The following MRPS27 variants were observed in gnomAD, a reference collection of about 807,000 sequenced individuals.
MRPS27 encodes small ribosomal subunit protein mS27.
MRPS27 carries 43 observed loss-of-function variants against 48.9 expected under a neutral mutation model. That is an observed-to-expected ratio of 0.88 (90% confidence interval 0.69 to 1.13). The LOEUF (loss-of-function observed/expected upper bound fraction) is 1.13, where lower values mean the gene tolerates loss of function less well. Ranked by LOEUF, MRPS27 falls within the 50% of genes most tolerant of loss-of-function variation. The pLI, the probability that MRPS27 is intolerant of heterozygous loss-of-function variation, is 0.00. For missense variants in MRPS27, 467 were observed against 476.3 expected (o/e 0.98, Z 0.18); for synonymous variants, 188 against 171.9 (o/e 1.09, Z -0.73).
At chr5:72,235,440 C>T (rs1331157057) in intron 5 of MRPS27, among the ~76,000 whole-genome samples, 2 of 152,098 alleles carry the variant, frequency 1.3e-5, no homozygotes, top group African/African-American at 2.4e-5. Context: ...TGTCATTATA[C>T]ATTTGTCCAA....
intron 2 of MRPS27, among the ~76,000 whole-genome samples, chr5:72,313,271 A>G (rs1750485948): frequency 6.6e-6 from 1 of 152,238 alleles, no homozygotes; most frequent in Non-Finnish European, 1.5e-5. Flanking sequence ...AAAAATCCAT[A>G]AACACAGGGG....
intron 4 of MRPS27, among the ~76,000 whole-genome samples, chr5:72,253,330 A>C (rs774601652): frequency 6.6e-6 from 1 of 152,232 alleles, no homozygotes; most frequent in Admixed American, 6.5e-5. Flanking sequence ...CATATGATCA[A>C]TCTATCACGT....
At position 72,253,394 on chromosome 5, in the gene MRPS27, T is replaced by C. The variant is rs539424922; in HGVS notation, c.282-15266A>G. Among the ~76,000 whole-genome samples the C allele has an allele frequency of 5.9e-5, 9 of 152,328 alleles. No individual in the cohort carries two copies. The East Asian group carries it at 9.6e-4, about 16-fold the overall frequency. ...GATCTGTAAACTAGTCAATGGATTATATAATCATCTAAAAGTAATGATAAA... is the reference window on the plus strand; with the variant it reads ...GATCTGTAAACTAGTCAATGGATTACATAATCATCTAAAAGTAATGATAAA... On this transcript the variant is annotated intron_variant, in intron 4 of 10. Transcript: ENST00000261413.
intron 3 of MRPS27, 77 bp from the exon 4 acceptor site, chr5:72,295,666 T>C (rs900822682): frequency 9.1e-6 from 10 of 1,104,434 alleles, no homozygotes; most frequent in Non-Finnish European, 1.4e-5. Context: ...GATCACACAT[T>C]GACCTTAGAA....
intron 1 of MRPS27, among the ~76,000 whole-genome samples, chr5:72,318,174 A>G (rs111258518): frequency 3.2e-4 from 49 of 152,304 alleles, no homozygotes; most frequent in African/African-American, 1.1e-3. Flanking sequence ...AATACCTAAC[A>G]CAATGTAAAC....
chr5:72,267,822 T>C (rs755514404), intron 4 of MRPS27, among the ~76,000 whole-genome samples: 1 of 151,884 alleles, frequency 6.6e-6, no homozygotes, highest in Admixed American at 6.6e-5. Flanking sequence ...TAATAAGATA[T>C]AGAGGTCATT....
intron 5 of MRPS27, among the ~76,000 whole-genome samples, chr5:72,234,464 T>C (rs1748149139): frequency 6.6e-6 from 1 of 151,240 alleles, no homozygotes; most frequent in Non-Finnish European, 1.5e-5. Context: ...TAACACCTCA[T>C]CATAGCTTAA....
intron 9 of MRPS27, among the ~76,000 whole-genome samples, chr5:72,225,074 A>G (rs1747855575): frequency 6.6e-6 from 1 of 152,238 alleles, no homozygotes. Flanking sequence ...TGAGATTGGA[A>G]GGAATATTTC....
intron 4 of MRPS27, among the ~76,000 whole-genome samples, chr5:72,292,956 G>A (rs569179087): frequency 6.6e-6 from 1 of 152,254 alleles, no homozygotes; most frequent in South Asian, 2.1e-4. Flanking sequence ...TTTGCTCCGA[G>A]ATGTCTAAAG....
At chr5:72,273,177 T>C (rs1056066881) in intron 4 of MRPS27, among the ~76,000 whole-genome samples, 2 of 152,186 alleles carry the variant, frequency 1.3e-5, no homozygotes, top group Non-Finnish European at 2.9e-5. Flanking sequence ...TGGATTGATC[T>C]AGGGGTAGTT....
At chr5:72,297,584 G>A (rs781327200) in intron 3 of MRPS27, 48 bp downstream of exon 3, 3 of 1,249,610 alleles carry the variant, frequency 2.4e-6, no homozygotes, top group Non-Finnish European at 3.5e-6. Context: ...GGGCCTTTCT[G>A]GCTTTCTTCC....
chr5:72,278,445 A>C (rs1749441816), intron 4 of MRPS27, among the ~76,000 whole-genome samples: 1 of 147,800 alleles, frequency 6.8e-6, no homozygotes, highest in South Asian at 2.1e-4. Flanking sequence ...TCCATCTCAA[A>C]AAAAAAAAAA....
At chr5:72,246,947 C>T (rs891146422) in intron 4 of MRPS27, among the ~76,000 whole-genome samples, 1 of 152,162 alleles carries the variant, frequency 6.6e-6, no homozygotes, top group Non-Finnish European at 1.5e-5. Context: ...AACATCTCTT[C>T]TAAATTTAGG....
chr5:72,310,185 A>AT lies in MRPS27; in HGVS notation c.151+3895dup, dbSNP rs941286446. Among the ~76,000 whole-genome samples the AT allele has an allele frequency of 6.1e-4, 93 of 152,142 alleles. 4 individuals carry two copies. Among genetic ancestry groups the AT allele is most frequent in the Middle Eastern group, 3.4e-3 (1 of 294 alleles). ...TGTATGTTTATGTGTATGTGCATTC[A>AT]TTTTTTTTCCAGAACTGTTCACTGA... On this transcript the variant is annotated intron_variant, in intron 2 of 10. Coordinates refer to ENST00000261413, the MANE Select transcript of MRPS27 (RefSeq NM_015084.3).
At chr5:72,248,669 TAA>T (rs36063387) in intron 4 of MRPS27, among the ~76,000 whole-genome samples, 33 of 70,262 alleles carry the variant, frequency 4.7e-4, no homozygotes, top group East Asian at 9.6e-4. Context: ...CATTTTCATT[TAA>T]AAAAAAAAAA....
intron 4 of MRPS27, among the ~76,000 whole-genome samples, chr5:72,257,237 T>C (rs2111992841): frequency 6.6e-6 from 1 of 152,190 alleles, no homozygotes; most frequent in East Asian, 1.9e-4. Context: ...TCCTTCTCTG[T>C]TATCGTTTCC....
At chr5:72,225,779 A>ATT (rs35100305) in intron 9 of MRPS27, among the ~76,000 whole-genome samples, 12,716 of 145,936 alleles carry the variant, frequency 0.087, 744 homozygotes, top group East Asian at 0.29. Flanking sequence ...TCCCACTGAG[A>ATT]TTTTTTTTTT....
In MRPS27 at chr5:72,292,203, GTT is replaced by G. The variant is rs1213885749; in HGVS notation, c.281+3326_281+3327del. On this transcript the variant is annotated intron_variant, in intron 4 of 10. Transcript: ENST00000261413. Reference sequence around the variant, plus strand: ...TTTTCCTTTTATATGGGTATTACCAGTTTTTTTTTTTTTTTTTTTTTGGCCAA... The same window carrying G: ...TTTTCCTTTTATATGGGTATTACCAGTTTTTTTTTTTTTTTTTTTGGCCAA... 3.2e-3 allele frequency among the ~76,000 whole-genome samples: 292 copies of G among 92,128 alleles called. 1 individual carries two copies. Among genetic ancestry groups the G allele is most frequent in the African/African-American group, 0.012 (277 of 22,490 alleles). The allele number at this position is 92,128 out of a possible 152,430, so 60.4% of individuals were successfully genotyped here.
Position 72,269,112 on chromosome 5 carries a change from A to G in MRPS27, c.281+26419T>C, listed in dbSNP as rs544048508. 4.2e-4 allele frequency among the ~76,000 whole-genome samples: 64 copies of G among 152,360 alleles called. No homozygotes were observed. The South Asian group carries it at 0.01, about 24-fold the overall frequency. ...GTGCAGTATAATTCAGGATTGTTGC[A>G]TATGAGTTTTCCTTGTAAAGTGGTT... On this transcript the variant is annotated intron_variant, in intron 4 of 10. Transcript: ENST00000261413.
Sources: allele counts gnomAD v4.1 joint callset (sites outside exome capture counted in the v4.1 genomes callset), GRCh38; gene constraint gnomAD v4.1.1; transcripts MANE v1.5; gene names NCBI Gene and HGNC (gene_info 2026-07-23, HGNC 2026-07-21).